Variants in KCNH7 observed in about 807,000 individuals in gnomAD.
The protein encoded by KCNH7 is voltage-gated inwardly rectifying potassium channel KCNH7.
Under a neutral mutation model 120.8 loss-of-function variants are expected in KCNH7, and 49 were observed. The observed-to-expected ratio is 0.41, with a 90% CI of 0.32 to 0.51. KCNH7 has a LOEUF of 0.51. Ranked by LOEUF, KCNH7 falls within the 20% of genes least tolerant of loss-of-function variation. The pLI, the probability that KCNH7 is intolerant of heterozygous loss-of-function variation, is 0.38. For missense variants in KCNH7, 1,097 were observed against 1,446.6 expected (o/e 0.76, Z 3.92); for synonymous variants, 547 against 516.1 (o/e 1.06, Z -0.81).
intron 2 of KCNH7, among the ~76,000 whole-genome samples, chr2:162,646,900 C>A (rs574020241): frequency 6.6e-6 from 1 of 152,172 alleles, no homozygotes; most frequent in Non-Finnish European, 1.5e-5. Context: ...GAGCAAAAAA[C>A]CCAGCTGAGT....
intron 2 of KCNH7, among the ~76,000 whole-genome samples, chr2:162,729,465 T>C (rs927837510): frequency 2.6e-5 from 4 of 152,208 alleles, no homozygotes; most frequent in Non-Finnish European, 5.9e-5. Context: ...TCTATTCCCA[T>C]ATACATCTTA....
chr2:162,786,509 CCAAA>C (rs545161680), intron 2 of KCNH7, among the ~76,000 whole-genome samples: 136 of 152,198 alleles, frequency 8.9e-4, no homozygotes, highest in African/African-American at 2.7e-3. Flanking sequence ...CTATTATAAA[CCAAA>C]CAAATTTTAA....
intron 9 of KCNH7, among the ~76,000 whole-genome samples, chr2:162,417,185 G>C (rs1687566707): frequency 6.6e-6 from 1 of 151,950 alleles, no homozygotes; most frequent in Non-Finnish European, 1.5e-5. Flanking sequence ...CTTTTATTTT[G>C]GAAAAAAATA....
intron 2 of KCNH7, among the ~76,000 whole-genome samples, chr2:162,654,211 A>G (rs182461996): frequency 1.3e-5 from 2 of 152,146 alleles, no homozygotes; most frequent in East Asian, 1.9e-4. Flanking sequence ...GAAGAGACCT[A>G]TGGAATAGGA....
At chr2:162,457,004 T>C (rs921496698) in intron 6 of KCNH7, among the ~76,000 whole-genome samples, 2 of 152,146 alleles carry the variant, frequency 1.3e-5, no homozygotes, top group Non-Finnish European at 2.9e-5. Context: ...TTGTTTGAAT[T>C]GGTCAATTTT....
intron 2 of KCNH7, among the ~76,000 whole-genome samples, chr2:162,794,245 G>A (rs1476993499): frequency 6.6e-6 from 1 of 151,430 alleles, no homozygotes; most frequent in Non-Finnish European, 1.5e-5. Flanking sequence ...GCAGGAGGGA[G>A]AGAAGGAAGG....
chr2:162,372,170 ACTT>A lies in KCNH7; in HGVS notation c.3325-78_3325-76del, dbSNP rs1401924893. On this transcript the variant is annotated intron_variant, in intron 15 of 15. Transcript: ENST00000332142. Reference sequence around the variant, plus strand: ...GTCATTGAAAATTACACTAATAAAAACTTAAGCATTTTCTTTCCTCATTAATCT... The same window carrying A: ...GTCATTGAAAATTACACTAATAAAAAAAGCATTTTCTTTCCTCATTAATCT... The A allele has an allele frequency of 5.8e-6, 7 of 1,203,544 alleles. No individual in the cohort carries two copies. In the East Asian group the frequency reaches 1.4e-4, roughly 25 times the overall value. The allele number at this position is 1,203,544 out of a possible 1,614,324, so 74.6% of individuals were successfully genotyped here. A position where few individuals can be genotyped will look rare whatever the true frequency, so the allele number is the denominator to read the frequency against.
At chr2:162,691,484 C>T (rs977597919) in intron 2 of KCNH7, among the ~76,000 whole-genome samples, 6 of 151,894 alleles carry the variant, frequency 4.0e-5, no homozygotes, top group East Asian at 1.9e-4. Flanking sequence ...ACTTCTCTTA[C>T]GAAAAATTTT....
chr2:162,565,739 T>C (rs1460104547), intron 2 of KCNH7, among the ~76,000 whole-genome samples: 2 of 152,064 alleles, frequency 1.3e-5, no homozygotes, highest in Non-Finnish European at 2.9e-5. Context: ...ATTTATAAAC[T>C]TTATTTATAA....
At chr2:162,472,033 A>T (rs1024279328) in intron 6 of KCNH7, among the ~76,000 whole-genome samples, 1 of 152,238 alleles carries the variant, frequency 6.6e-6, no homozygotes, top group African/African-American at 2.4e-5. Flanking sequence ...CTGGCTAGCC[A>T]TATGTAGAAA....
chr2:162,838,653 T>G lies in KCNH7; in HGVS notation c.-135A>C. 1.6e-6 allele frequency: 1 copy of G among 644,716 alleles called. No homozygotes were observed. The highest frequency in any genetic ancestry group is 2.7e-6 in the Non-Finnish European group (1 of 372,952). 39.9% of individuals were successfully genotyped at this position (644,716 alleles called of 1,614,324 possible). A position where few individuals can be genotyped will look rare whatever the true frequency, so the allele number is the denominator to read the frequency against. Reference sequence around the variant, plus strand: ...ATCCTCTTTTGAAACCAGAATTCTCTTCCCATTAGCACCACTTCTAGACAC... The same window carrying G: ...ATCCTCTTTTGAAACCAGAATTCTCGTCCCATTAGCACCACTTCTAGACAC... On this transcript the variant is annotated 5_prime_UTR_variant, in exon 1 of 16. Transcript: ENST00000332142.
chr2:162,459,316 G>C (rs1481898537), intron 6 of KCNH7, among the ~76,000 whole-genome samples: 1 of 152,066 alleles, frequency 6.6e-6, no homozygotes, highest in Admixed American at 6.6e-5. Flanking sequence ...AAGAGAAAGA[G>C]CCTATGCAAA....
chr2:162,567,265 T>G (rs1202233977), intron 2 of KCNH7, among the ~76,000 whole-genome samples: 1 of 151,978 alleles, frequency 6.6e-6, no homozygotes. Context: ...TACAAAGCAT[T>G]AAGAACAAAA....
intron 2 of KCNH7, among the ~76,000 whole-genome samples, chr2:162,638,254 T>C (rs572761116): frequency 2.0e-5 from 3 of 152,236 alleles, no homozygotes; most frequent in Non-Finnish European, 2.9e-5. Flanking sequence ...AAAATTAGAT[T>C]CTGCCTTATA....
chr2:162,670,470 C>CAA (rs61610131), intron 2 of KCNH7, among the ~76,000 whole-genome samples: 9,384 of 47,890 alleles, frequency 0.2, 984 homozygotes, highest in East Asian at 0.37. Flanking sequence ...CGAACTCTGT[C>CAA]AAAAAAAAAA....
intron 2 of KCNH7, among the ~76,000 whole-genome samples, chr2:162,679,485 T>TGC (rs1685641136): frequency 1.3e-5 from 2 of 151,674 alleles, no homozygotes; most frequent in Non-Finnish European, 3.0e-5. Flanking sequence ...TTAAGACTAT[T>TGC]ATTCTATACT....
chr2:162,388,369 C>T (rs994629070), intron 12 of KCNH7, among the ~76,000 whole-genome samples: 1 of 151,642 alleles, frequency 6.6e-6, no homozygotes, highest in South Asian at 2.1e-4. Context: ...AACACACACA[C>T]ACACACACAC....
At chr2:162,471,148 C>G (rs13412410) in intron 6 of KCNH7, among the ~76,000 whole-genome samples, 11,126 of 151,816 alleles carry the variant, frequency 0.073, 1,303 homozygotes, top group African/African-American at 0.25. Context: ...AACCAGAGAC[C>G]TTTGTTCACT....
At chr2:162,571,113 T>A (rs567034653) in intron 2 of KCNH7, among the ~76,000 whole-genome samples, 11 of 151,836 alleles carry the variant, frequency 7.2e-5, no homozygotes, top group African/African-American at 2.7e-4. Context: ...ATTGTCCCTG[T>A]TTGCAGATGA....
Sources: gnomAD v4.1 joint callset for allele counts (sites outside exome capture counted in the v4.1 genomes callset) on GRCh38, gnomAD v4.1.1 for gene constraint, MANE v1.5 for transcripts, NCBI Gene and HGNC (gene_info 2026-07-23, HGNC 2026-07-21) for gene names.